Variants in SRC observed in about 807,000 individuals in gnomAD.
SRC encodes proto-oncogene tyrosine-protein kinase Src.
Under a neutral mutation model 62.9 loss-of-function variants are expected in SRC, and 13 were observed. The ratio of observed to expected loss-of-function variants is 0.21; its 90% CI spans 0.13 to 0.33. SRC has a LOEUF of 0.33. Among genes scored for constraint, SRC ranks in the 10% least tolerant of loss-of-function variants. The pLI is 1.00. For synonymous variants in SRC, 302 were observed against 317.5 expected (o/e 0.95, Z 0.52); for missense variants, 457 against 737.3 (o/e 0.62, Z 4.40).
At chr20:37,372,900 G>C (rs575697069) in intron 2 of SRC, among the ~76,000 whole-genome samples, 1 of 152,058 alleles carries the variant, frequency 6.6e-6, no homozygotes, top group African/African-American at 2.4e-5. Context: ...AGCCATATCA[G>C]ATTTTTATGT....
chr20:37,388,659 G>T (rs1466937839), intron 5 of SRC, among the ~76,000 whole-genome samples: 1 of 152,186 alleles, frequency 6.6e-6, no homozygotes, highest in Non-Finnish European at 1.5e-5. Context: ...GAGGCAGGAG[G>T]ATCGCTGGAA....
intron 1 of SRC, among the ~76,000 whole-genome samples, chr20:37,363,112 T>C (rs1356321583): frequency 2.0e-5 from 3 of 152,206 alleles, no homozygotes; most frequent in African/African-American, 7.2e-5. Flanking sequence ...GTGTCTCCTC[T>C]TGCCCCTCTG....
At chr20:37,345,587 C>T (rs184579002), upstream of SRC, among the ~76,000 whole-genome samples, 2 of 152,348 alleles carry the variant, frequency 1.3e-5, no homozygotes, top group South Asian at 2.1e-4. Flanking sequence ...TTGAGAAACT[C>T]AGGTCAAGGC....
At chr20:37,387,700 G>A (rs911748263) in intron 5 of SRC, among the ~76,000 whole-genome samples, 1 of 152,232 alleles carries the variant, frequency 6.6e-6, no homozygotes, top group Non-Finnish European at 1.5e-5. Flanking sequence ...GCTCTCTGGT[G>A]CACCTCACTT....
chr20:37,392,045 A>G (rs2070559512), intron 5 of SRC, among the ~76,000 whole-genome samples: 1 of 152,048 alleles, frequency 6.6e-6, no homozygotes, highest in African/African-American at 2.4e-5. Context: ...GTGTACAACA[A>G]GGAGGTGGGT....
intron 5 of SRC, 59 bp downstream of exon 5, chr20:37,386,233 A>G (rs1188625155): frequency 4.7e-6 from 7 of 1,497,760 alleles, no homozygotes; most frequent in South Asian, 3.4e-5. Flanking sequence ...CAAAGCGGGC[A>G]GGGGCTCATG....
Position 37,361,138 on chromosome 20 carries a change from G to T in SRC, c.-246-4066G>T, listed in dbSNP as rs190303708. The stretch of plus-strand genomic sequence containing the variant: ...AGGGGAGGTGGGTGGTGGAGCTTAG[G>T]GGGGGAAGAATATGTGCAAAGGCTT... On this transcript the variant is annotated intron_variant, in intron 1 of 13. Transcript: ENST00000373578. 2.3e-3 allele frequency among the ~76,000 whole-genome samples: 355 copies of T among 152,040 alleles called. 3 individuals carry two copies. Among genetic ancestry groups the T allele is most frequent in the African/African-American group, 6.8e-3 (283 of 41,460 alleles).
intron 9 of SRC, among the ~76,000 whole-genome samples, chr20:37,399,656 TGCCTCA>T (rs971966707): frequency 6.6e-6 from 1 of 152,036 alleles, no homozygotes; most frequent in African/African-American, 2.4e-5. Context: ...ACCATTCTCC[TGCCTCA>T]GCCTCCCGAG....
At chr20:37,355,413 TA>T (rs2069867561) in intron 1 of SRC, among the ~76,000 whole-genome samples, 1 of 152,176 alleles carries the variant, frequency 6.6e-6, no homozygotes, top group Non-Finnish European at 1.5e-5. Flanking sequence ...ACTCCACCCA[TA>T]CCTTAGAGCT....
At position 37,351,578 on chromosome 20, in the gene SRC, G is replaced by A. The variant is rs1453666660; in HGVS notation, c.-247+5323G>A. Among the ~76,000 whole-genome samples the A allele has an allele frequency of 6.6e-6, 1 of 152,182 alleles. No individual in the cohort carries two copies. Among genetic ancestry groups the A allele is most frequent in the African/African-American group, 2.4e-5 (1 of 41,440 alleles). ...AATTGAGCTGGAGTGGCCTGGGGAA[G>A]CATGGCCTCCCTGTTGGGGTCTGAT... On this transcript the variant is annotated intron_variant, in intron 1 of 13. Coordinates refer to ENST00000373578, the MANE Select transcript of SRC (RefSeq NM_198291.3). This position sits in a 1 kb window ranked among gnomAD's most constrained non-coding sequence, Gnocchi z 4.4.
chr20:37,385,645 G>T (rs569003273), intron 4 of SRC, among the ~76,000 whole-genome samples: 16 of 152,318 alleles, frequency 1.1e-4, no homozygotes, highest in Admixed American at 3.3e-4. Context: ...ACACTTTATA[G>T]AGAGAGAGCG....
chr20:37,395,786 C>T (rs925250171), intron 7 of SRC, among the ~76,000 whole-genome samples: 4 of 152,332 alleles, frequency 2.6e-5, no homozygotes, highest in Admixed American at 2.0e-4. Context: ...CAGTGTGTGC[C>T]GGGCCCTTCT....
intron 2 of SRC, among the ~76,000 whole-genome samples, chr20:37,373,165 T>C (rs543851669): frequency 0.22 from 33,424 of 151,314 alleles, 5,353 homozygotes; most frequent in African/African-American, 0.46. Flanking sequence ...CATACACACA[T>C]ATATGTACAC....
At chr20:37,388,883 TC>T (rs1486973903) in intron 5 of SRC, among the ~76,000 whole-genome samples, 5 of 152,050 alleles carry the variant, frequency 3.3e-5, no homozygotes, top group African/African-American at 1.2e-4. Context: ...TCACACCTCA[TC>T]CCGGGGACCC....
intron 1 of SRC, among the ~76,000 whole-genome samples, chr20:37,363,485 C>G (rs1342251959): frequency 6.6e-6 from 1 of 152,168 alleles, no homozygotes; most frequent in Non-Finnish European, 1.5e-5. Flanking sequence ...TCTGGTGTCC[C>G]TCGGATCTGG....
chr20:37,386,284 C>A, intron 5 of SRC, 110 bp downstream of exon 5: 2 of 1,087,524 alleles, frequency 1.8e-6, no homozygotes, highest in Non-Finnish European at 2.8e-6. Context: ...GAGCCCAGGG[C>A]AGTGCGAAGC....
At chr20:37,370,396 G>A (rs1032286539) in intron 2 of SRC, among the ~76,000 whole-genome samples, 5 of 152,154 alleles carry the variant, frequency 3.3e-5, no homozygotes, top group South Asian at 2.1e-4. Context: ...CCAACATGGC[G>A]AAACCTTGTT....
chr20:37,398,385 C>T lies in SRC; in HGVS notation c.859+531C>T, dbSNP rs1194555441. Among the ~76,000 whole-genome samples the T allele has an allele frequency of 6.6e-6, 1 of 152,242 alleles. No homozygotes were observed. On this transcript the variant is annotated intron_variant, in intron 9 of 13. Coordinates refer to ENST00000373578, the MANE Select transcript of SRC (RefSeq NM_198291.3). The surrounding 1 kb of genome is among the most constrained non-coding windows in gnomAD (Gnocchi z 5.2). ...CCTGACAAAACCCAGGCCCCTCTTC[C>T]ACCGGATGCTTTCTGCTCACACGGA...
chr20:37,359,854 G>A (rs547205941), intron 1 of SRC, among the ~76,000 whole-genome samples: 16 of 152,208 alleles, frequency 1.1e-4, no homozygotes, highest in South Asian at 2.1e-4. Flanking sequence ...AGGGGGTGGC[G>A]GTTCGCTCAG....
Sources: gnomAD v4.1 joint callset for allele counts (sites outside exome capture counted in the v4.1 genomes callset) on GRCh38, gnomAD v4.1.1 for gene constraint, Gnocchi (gnomAD v3.1) non-coding constraint, MANE v1.5 for transcripts, NCBI Gene and HGNC (gene_info 2026-07-23, HGNC 2026-07-21) for gene names.